KIAA0319: variants seen among roughly 807,000 people sequenced by gnomAD.
KIAA0319 encodes the protein dyslexia-associated protein KIAA0319.
Under a neutral mutation model 108.4 loss-of-function variants are expected in KIAA0319, and 83 were observed. The ratio of observed to expected loss-of-function variants is 0.77; its 90% CI spans 0.64 to 0.92. The LOEUF is 0.92. Among genes scored for constraint, KIAA0319 ranks in the 40% least tolerant of loss-of-function variants. The pLI is 0.00. For missense variants in KIAA0319, 1,195 were observed against 1,322.4 expected (o/e 0.90, Z 1.49); for synonymous variants, 484 against 510.4 (o/e 0.95, Z 0.70).
chr6:24,634,666 A>G (rs1052300318), intron 1 of KIAA0319, among the ~76,000 whole-genome samples: 4 of 152,236 alleles, frequency 2.6e-5, no homozygotes, highest in Non-Finnish European at 5.9e-5. Context: ...GTTACTAAAC[A>G]GTTGGCTTAA....
downstream of KIAA0319, among the ~76,000 whole-genome samples, chr6:24,542,147 T>A (rs1581834458): frequency 6.6e-6 from 1 of 151,852 alleles, no homozygotes; most frequent in Admixed American, 6.6e-5. Context: ...TGAAAAAAAA[T>A]AAAATAAAAA....
chr6:24,615,516 CA>C (rs1342717307), intron 1 of KIAA0319, among the ~76,000 whole-genome samples: 1 of 151,882 alleles, frequency 6.6e-6, no homozygotes, highest in Non-Finnish European at 1.5e-5. Flanking sequence ...GGAAATTAGT[CA>C]GGTGAGACAC....
intron 13 of KIAA0319, 27 bp from the exon 14 acceptor site, chr6:24,566,775 C>A: frequency 6.3e-7 from 1 of 1,585,978 alleles, no homozygotes; most frequent in Non-Finnish European, 8.6e-7. Flanking sequence ...AAAATGAAAG[C>A]AAAGAGATTG....
At chr6:24,566,488 A>C in intron 14 of KIAA0319, 109 bp downstream of exon 14, 1 of 972,856 alleles carries the variant, frequency 1.0e-6, no homozygotes, top group Non-Finnish European at 1.4e-6. Context: ...GCCTCCTTAT[A>C]CTTATATCCT....
At chr6:24,591,755 T>G (rs141858853) in intron 3 of KIAA0319, among the ~76,000 whole-genome samples, 1,741 of 152,304 alleles carry the variant, frequency 0.011, 32 homozygotes, top group African/African-American at 0.04. Context: ...AAGTGGTATC[T>G]CATTGTGGTT....
chr6:24,630,710 T>TATATATATACAC (rs373537245), intron 1 of KIAA0319, among the ~76,000 whole-genome samples: 186 of 138,666 alleles, frequency 1.3e-3, no homozygotes, highest in African/African-American at 5.3e-3. Flanking sequence ...TATACACATA[T>TATATATATACAC]ACACACAAAC....
chr6:24,617,936 G>A (rs374202574), intron 1 of KIAA0319, among the ~76,000 whole-genome samples: 6 of 152,084 alleles, frequency 3.9e-5, no homozygotes, highest in East Asian at 3.8e-4. Flanking sequence ...GCAGTGAGCC[G>A]AGATTGCGCC....
chr6:24,582,037 T>G (rs1447745144), intron 6 of KIAA0319, among the ~76,000 whole-genome samples: 1 of 152,136 alleles, frequency 6.6e-6, no homozygotes, highest in Non-Finnish European at 1.5e-5. Flanking sequence ...TCCCAGCTAC[T>G]CAGGAGGCTG....
At position 24,641,904 on chromosome 6, in the gene KIAA0319, C is replaced by T. The variant is rs149329198; in HGVS notation, c.-106+3832G>A. Among the ~76,000 whole-genome samples the T allele has an allele frequency of 5.4e-3, 814 of 151,448 alleles. 4 individuals are homozygous for T. Among genetic ancestry groups the T allele is most frequent in the African/African-American group, 0.017 (694 of 41,254 alleles). On this transcript the variant is annotated intron_variant, in intron 1 of 20. Coordinates refer to ENST00000378214, the MANE Select transcript of KIAA0319 (RefSeq NM_014809.4). The stretch of plus-strand genomic sequence containing the variant: ...ACAATTAGTTGGGCTTGGTGGTATG[C>T]GCCTGTAGTCTCAGTTACTCAGGAG...
At chr6:24,559,632 G>A (rs3896132) in intron 16 of KIAA0319, among the ~76,000 whole-genome samples, 29,381 of 149,616 alleles carry the variant, frequency 0.2, 2,942 homozygotes, top group Middle Eastern at 0.27. Context: ...AAAAAAAAAG[G>A]AGCAATGTAT....
intron 1 of KIAA0319, among the ~76,000 whole-genome samples, chr6:24,621,662 C>T (rs1026835223): frequency 2.6e-5 from 4 of 151,936 alleles, no homozygotes; most frequent in African/African-American, 9.7e-5. Flanking sequence ...TAAGAACAGA[C>T]AAAAGAAAAT....
chr6:24,625,395 T>C (rs1008222665), intron 1 of KIAA0319, among the ~76,000 whole-genome samples: 7 of 152,120 alleles, frequency 4.6e-5, no homozygotes, highest in African/African-American at 1.7e-4. Flanking sequence ...TTTAAATATA[T>C]ATATGTGTAT....
At chr6:24,587,474 G>T (rs536599875) in intron 4 of KIAA0319, among the ~76,000 whole-genome samples, 1 of 152,086 alleles carries the variant, frequency 6.6e-6, no homozygotes, top group African/African-American at 2.4e-5. Context: ...TAGAGATGGG[G>T]TTTCACTCTG....
Position 24,547,272 on chromosome 6 carries a change from C to T in KIAA0319, c.3112G>A (p.Asp1038Asn). ...VSESEFDSDQ[D>N]TIFSREKMER... is the part of the protein sequence containing the mutation. ...ATCTTTTCTCGGCTGAAGATTGTGT[C>T]CTGGTCACTGTCAAACTCAGACTCG... Residue 1038 changes from aspartate (D) to asparagine (N), a missense_variant, in exon 21 of 21, where the codon GAC (aspartate) becomes AAC (asparagine). Asp to Asn is a conservative substitution (Grantham distance 23). Coordinates refer to ENST00000378214, the MANE Select transcript of KIAA0319 (RefSeq NM_014809.4). 3 of 1,614,146 alleles carry T rather than the reference C, an allele frequency of 1.9e-6. No homozygotes were observed. The highest frequency in any genetic ancestry group is 2.5e-6 in the Non-Finnish European group (3 of 1,179,988).
chr6:24,599,106 T>A lies in KIAA0319; in HGVS notation c.55+1943A>T. The A allele has an allele frequency of 1.4e-6, 1 of 694,194 alleles. No individual in the cohort carries two copies. Among genetic ancestry groups the A allele is most frequent in the Non-Finnish European group, 2.5e-6 (1 of 395,014 alleles). 43.0% of individuals were successfully genotyped at this position (694,194 alleles called of 1,614,324 possible). A position where few individuals can be genotyped will look rare whatever the true frequency, so the allele number is the denominator to read the frequency against. On this transcript the variant is annotated intron_variant, in intron 2 of 20. Transcript: ENST00000378214. The surrounding 1 kb of genome is among the most constrained non-coding windows in gnomAD (Gnocchi z 4.1). ...TGTGGTGCTGTCCATGGACAACAGCTGGTCCCTGGACATGGACAGCATCAT... is the reference window on the plus strand; with the variant it reads ...TGTGGTGCTGTCCATGGACAACAGCAGGTCCCTGGACATGGACAGCATCAT...
chr6:24,571,894 T>C (rs1345101611), intron 11 of KIAA0319, among the ~76,000 whole-genome samples: 1 of 152,252 alleles, frequency 6.6e-6, no homozygotes, highest in African/African-American at 2.4e-5. Flanking sequence ...GTTATTTTAG[T>C]AGAGCGCCAA....
intron 3 of KIAA0319, among the ~76,000 whole-genome samples, chr6:24,595,275 G>A (rs182247119): frequency 2.6e-5 from 4 of 152,168 alleles, no homozygotes; most frequent in East Asian, 3.9e-4. Flanking sequence ...ATCCAGGCGC[G>A]GTGGCTCACG....
At chr6:24,594,697 G>A (rs1048818444) in intron 3 of KIAA0319, among the ~76,000 whole-genome samples, 1 of 151,134 alleles carries the variant, frequency 6.6e-6, no homozygotes, top group Admixed American at 6.6e-5. Context: ...AATTTTTCAT[G>A]GTTGAGATTA....
intron 1 of KIAA0319, among the ~76,000 whole-genome samples, chr6:24,642,812 G>A (rs1053011258): frequency 1.4e-4 from 22 of 151,980 alleles, no homozygotes; most frequent in Admixed American, 5.2e-4. Flanking sequence ...TCCGCCTCCC[G>A]GAGTTCAAGT....
Sources: gnomAD v4.1 joint callset for allele counts (sites outside exome capture counted in the v4.1 genomes callset) on GRCh38, gnomAD v4.1.1 for gene constraint, Gnocchi (gnomAD v3.1) non-coding constraint, MANE v1.5 for transcripts, NCBI Gene and HGNC (gene_info 2026-07-23, HGNC 2026-07-21) for gene names.